Variants in RBMS3 observed in about 807,000 individuals in gnomAD.
RBMS3 encodes RNA binding motif single stranded interacting protein 3.
In RBMS3, 27 loss-of-function variants were observed where a neutral mutation model predicts 66.8. The observed-to-expected ratio is 0.40, with a 90% CI of 0.30 to 0.56. The LOEUF (loss-of-function observed/expected upper bound fraction) is 0.56. Ranked by LOEUF, RBMS3 falls within the 20% of genes least tolerant of loss-of-function variation. RBMS3 has a pLI of 0.40. For synonymous variants in RBMS3, 188 were observed against 183.0 expected (o/e 1.03, Z -0.22); for missense variants, 513 against 549.5 (o/e 0.93, Z 0.66).
chr3:29,899,369 G>A (rs1297403180), intron 9 of RBMS3, among the ~76,000 whole-genome samples: 1 of 151,594 alleles, frequency 6.6e-6, no homozygotes, highest in Non-Finnish European at 1.5e-5. Flanking sequence ...TACTTGCCAG[G>A]ACATCCCTGA....
chr3:29,927,548 C>T (rs764442579), intron 10 of RBMS3, among the ~76,000 whole-genome samples: 3 of 152,110 alleles, frequency 2.0e-5, no homozygotes, highest in African/African-American at 4.8e-5. Context: ...AGCAAGTGAC[C>T]GGTAGCCTGG....
At chr3:29,392,258 A>C (rs2039335475) in intron 1 of RBMS3, among the ~76,000 whole-genome samples, 1 of 152,200 alleles carries the variant, frequency 6.6e-6, no homozygotes, top group African/African-American at 2.4e-5. Flanking sequence ...TAAAAAAGAA[A>C]AAGAAAACGT....
intron 14 of RBMS3, among the ~76,000 whole-genome samples, chr3:30,001,480 T>C (rs1046992478): frequency 2.6e-5 from 4 of 152,048 alleles, no homozygotes; most frequent in Admixed American, 6.6e-5. Context: ...ATTCCTACTC[T>C]ACCATATTTA....
chr3:29,308,965 T>A (rs2034203584), intron 1 of RBMS3, among the ~76,000 whole-genome samples: 1 of 151,712 alleles, frequency 6.6e-6, no homozygotes, highest in Admixed American at 6.6e-5. Flanking sequence ...ACCCTAACAT[T>A]GGTTAAGACA....
intron 1 of RBMS3, among the ~76,000 whole-genome samples, chr3:29,374,679 G>C (rs1294265872): frequency 6.6e-6 from 1 of 152,162 alleles, no homozygotes; most frequent in Admixed American, 6.5e-5. Context: ...TGTATGAAAT[G>C]CATTTTCAAC....
Position 29,788,286 on chromosome 3 carries a change from C to T in RBMS3, c.637+25297C>T, listed in dbSNP as rs185338138. Among the ~76,000 whole-genome samples, 520 of 149,888 alleles carry T rather than the reference C, an allele frequency of 3.5e-3. 2 individuals are homozygous for T. Among genetic ancestry groups the T allele is most frequent in the Non-Finnish European group, 5.7e-3 (384 of 67,796 alleles). ...AAAATCCCAGGCTGGAGTGCAGTGG[C>T]GCCAGCTTGGCTCACTGCAACCTCC... On this transcript the variant is annotated intron_variant, in intron 6 of 14. Coordinates refer to ENST00000383767, the MANE Select transcript of RBMS3 (RefSeq NM_001003793.3).
chr3:29,617,674 A>G (rs898646083), intron 4 of RBMS3, among the ~76,000 whole-genome samples: 6 of 152,208 alleles, frequency 3.9e-5, no homozygotes, highest in Non-Finnish European at 8.8e-5. Context: ...GAAATTAAAG[A>G]TAAGATTTGG....
intron 4 of RBMS3, among the ~76,000 whole-genome samples, chr3:29,666,856 T>C (rs1192389584): frequency 6.6e-6 from 1 of 152,172 alleles, no homozygotes; most frequent in Non-Finnish European, 1.5e-5. Context: ...CAGTTGTTAA[T>C]GAGTAGCCTT....
chr3:29,319,320 A>G (rs2034872957), intron 1 of RBMS3, among the ~76,000 whole-genome samples: 1 of 151,958 alleles, frequency 6.6e-6, no homozygotes. Flanking sequence ...GGCAGGACTC[A>G]TTTCTCTAAA....
intron 1 of RBMS3, among the ~76,000 whole-genome samples, chr3:29,362,477 A>C (rs1413088544): frequency 6.6e-6 from 1 of 152,288 alleles, no homozygotes; most frequent in South Asian, 2.1e-4. Flanking sequence ...TGCCTCCCAG[A>C]TAGGCTGCTC....
At chr3:29,567,533 G>A (rs1315453263) in intron 3 of RBMS3, among the ~76,000 whole-genome samples, 1 of 152,086 alleles carries the variant, frequency 6.6e-6, no homozygotes, top group Non-Finnish European at 1.5e-5. Flanking sequence ...AGAGTCCAGT[G>A]GTAGAATCAG....
chr3:29,785,570 A>G (rs556514051), intron 6 of RBMS3, among the ~76,000 whole-genome samples: 1 of 152,208 alleles, frequency 6.6e-6, no homozygotes, highest in Admixed American at 6.5e-5. Context: ...ATAGTATCAT[A>G]TAAACAGAAT....
At position 29,648,515 on chromosome 3, in the gene RBMS3, C is replaced by T. The variant is rs182931851; in HGVS notation, c.399+61310C>T. Among the ~76,000 whole-genome samples, 216 of 152,014 alleles carry T rather than the reference C, an allele frequency of 1.4e-3. 1 individual carries two copies. The highest frequency in any genetic ancestry group is 2.7e-3 in the Non-Finnish European group (182 of 67,970). ...CTTGAACTCCTGAGTTCAAGCCATTCTCCTATCTTGGCCTCCCAAAGTGCC... is the reference window on the plus strand; with the variant it reads ...CTTGAACTCCTGAGTTCAAGCCATTTTCCTATCTTGGCCTCCCAAAGTGCC... On this transcript the variant is annotated intron_variant, in intron 4 of 14. Transcript: ENST00000383767.
chr3:29,308,372 A>G (rs1273601065), intron 1 of RBMS3, among the ~76,000 whole-genome samples: 1 of 151,828 alleles, frequency 6.6e-6, no homozygotes, highest in African/African-American at 2.4e-5. Context: ...TGGAGAAGAC[A>G]GAGTTATTTT....
chr3:29,553,006 C>A (rs900954970), intron 3 of RBMS3, among the ~76,000 whole-genome samples: 9 of 152,152 alleles, frequency 5.9e-5, no homozygotes, highest in Non-Finnish European at 1.2e-4. Context: ...TCTCAGTTTG[C>A]AACCTGCGAA....
At chr3:29,314,662 G>A (rs1264517862) in intron 1 of RBMS3, among the ~76,000 whole-genome samples, 1 of 151,640 alleles carries the variant, frequency 6.6e-6, no homozygotes, top group Non-Finnish European at 1.5e-5. Flanking sequence ...AACCAGATAT[G>A]GTGTGCACAA....
At chr3:29,550,514 T>C (rs998688330) in intron 3 of RBMS3, among the ~76,000 whole-genome samples, 1 of 152,162 alleles carries the variant, frequency 6.6e-6, no homozygotes, top group Non-Finnish European at 1.5e-5. Context: ...ATTCAAATAG[T>C]ATAATAGTAA....
chr3:29,986,681 A>C (rs1332122994), intron 12 of RBMS3, among the ~76,000 whole-genome samples: 1 of 152,204 alleles, frequency 6.6e-6, no homozygotes, highest in East Asian at 1.9e-4. Flanking sequence ...AGTAGCTCAC[A>C]CCTGTAATCC....
chr3:29,728,184 C>A, intron 4 of RBMS3, among the ~76,000 whole-genome samples: 1 of 150,002 alleles, frequency 6.7e-6, no homozygotes, highest in South Asian at 2.1e-4. Context: ...GGGAGCGGAA[C>A]ATCACACACT....
Sources: allele counts gnomAD v4.1 joint callset (sites outside exome capture counted in the v4.1 genomes callset), GRCh38; gene constraint gnomAD v4.1.1; transcripts MANE v1.5; gene names NCBI Gene and HGNC (gene_info 2026-07-23, HGNC 2026-07-21).